The following DRC11L variants were observed in gnomAD, a reference collection of about 807,000 sequenced individuals.
The protein encoded by DRC11L is dynein regulatory complex subunit like-11.
the DRC11L span, chr7:151,205,322 C>G: frequency 9.0e-5 from 36 of 398,960 alleles, 3 homozygotes; most frequent in African/African-American, 6.8e-4. Context: ...GCCAGGGCAG[C>G]AGCAGCAGCT....
chr7:151,193,953 C>G, the DRC11L span, among the ~76,000 whole-genome samples: 1 of 151,342 alleles, frequency 6.6e-6, no homozygotes, highest in African/African-American at 2.4e-5. Flanking sequence ...CTTCAGAAAG[C>G]TCTTCAGCTC....
At chr7:151,197,736 C>A in the DRC11L span, 1 of 395,278 alleles carries the variant, frequency 2.5e-6, no homozygotes, top group South Asian at 1.4e-4. Flanking sequence ...TGAGGCTGAC[C>A]CCCTACCCCA....
chr7:151,199,134 C>G, the DRC11L span: 6 of 397,948 alleles, frequency 1.5e-5, no homozygotes, highest in African/African-American at 1.2e-4. This position sits in a 1 kb window ranked among gnomAD's most constrained non-coding sequence, Gnocchi z 5.2. Flanking sequence ...CACACAAGGC[C>G]TCACACACAC....
At chr7:151,200,534 G>A in the DRC11L span, 1 of 399,174 alleles carries the variant, frequency 2.5e-6, no homozygotes, top group African/African-American at 2.1e-5. Flanking sequence ...TCTCAGAGAG[G>A]GTCCGAGAGG....
the DRC11L span, chr7:151,195,798 G>T: frequency 2.5e-6 from 1 of 394,892 alleles, no homozygotes; most frequent in Non-Finnish European, 4.5e-6. Flanking sequence ...AGTAGGGACA[G>T]CCCTGATGCC....
At chr7:151,203,186 C>A in the DRC11L span, 2 of 398,584 alleles carry the variant, frequency 5.0e-6, no homozygotes, top group Non-Finnish European at 8.8e-6. Context: ...TCAAAGGATG[C>A]ACCAGGACAC....
the DRC11L span, chr7:151,193,169 C>A: frequency 2.5e-5 from 10 of 398,030 alleles, no homozygotes; most frequent in South Asian, 1.4e-3. Flanking sequence ...GTAGGGAGAC[C>A]TCACCAGTTC....
the DRC11L span, chr7:151,194,550 C>T: frequency 3.5e-5 from 14 of 399,314 alleles, no homozygotes; most frequent in Non-Finnish European, 5.3e-5. Context: ...ACTCACTCTT[C>T]CTTAGAAGGC....
the DRC11L span, among the ~76,000 whole-genome samples, chr7:151,194,006 C>G: frequency 1.3e-5 from 2 of 151,854 alleles, no homozygotes; most frequent in Non-Finnish European, 1.5e-5. Flanking sequence ...AGAACAGACC[C>G]TGGGTTGTCC....
the DRC11L span, chr7:151,199,025 T>A: frequency 1.3e-4 from 51 of 399,002 alleles, no homozygotes; most frequent in Admixed American, 2.2e-4. The surrounding 1 kb of genome is among the most constrained non-coding windows in gnomAD (Gnocchi z 5.2). Flanking sequence ...GAAGAGAGGC[T>A]GAGGGGCTCA....
At chr7:151,192,185 G>A in the DRC11L span, 1 of 398,450 alleles carries the variant, frequency 2.5e-6, no homozygotes, top group East Asian at 3.6e-5. Context: ...ACCGGGCTGT[G>A]GGGGTGAGGG....
the DRC11L span, chr7:151,195,453 C>A: frequency 2.5e-6 from 1 of 399,208 alleles, no homozygotes; most frequent in South Asian, 1.3e-4. Context: ...GATCTTTTTC[C>A]TTCTTTTTCC....
At chr7:151,191,001 C>T in the DRC11L span, 6 of 400,240 alleles carry the variant, frequency 1.5e-5, no homozygotes, top group Non-Finnish European at 2.6e-5. Flanking sequence ...TCTTCTTCTC[C>T]TTGTCCAGCT....
chr7:151,199,913 CCAGGCACACGTGTGTGCACA>C, the DRC11L span, among the ~76,000 whole-genome samples: 2,110 of 152,360 alleles, frequency 0.014, 65 homozygotes, highest in African/African-American at 0.049. This position sits in a 1 kb window ranked among gnomAD's most constrained non-coding sequence, Gnocchi z 5.2. Context: ...CTCACTTTGG[CCAGGCACACGTGTGTGCACA>C]CAGGCACATG....
chr7:151,198,213 G>T, the DRC11L span, among the ~76,000 whole-genome samples: 2 of 151,660 alleles, frequency 1.3e-5, no homozygotes, highest in African/African-American at 4.8e-5. Context: ...TAGGTGGGTG[G>T]GTGGATGGAC....
At chr7:151,200,259 C>T in the DRC11L span, 8 of 398,276 alleles carry the variant, frequency 2.0e-5, no homozygotes, top group African/African-American at 1.4e-4. Flanking sequence ...CCAGGCTGTT[C>T]ACCTGGCCTG....
chr7:151,203,062 A>G, the DRC11L span: 1 of 399,550 alleles, frequency 2.5e-6, no homozygotes, highest in Non-Finnish European at 4.4e-6. Flanking sequence ...TTGCACTAGA[A>G]TTATGGCCTC....
chr7:151,198,820 G>T, the DRC11L span: 1 of 399,066 alleles, frequency 2.5e-6, no homozygotes, highest in Non-Finnish European at 4.4e-6. Flanking sequence ...AACCACTGTC[G>T]GATTTGCTCC....
the DRC11L span, chr7:151,194,238 A>AC: frequency 2.5e-6 from 1 of 398,312 alleles, no homozygotes; most frequent in Non-Finnish European, 4.4e-6. Flanking sequence ...GGCTCCTCAC[A>AC]CCCCCAGAGC....
Sources: gnomAD v4.1 joint callset for allele counts (sites outside exome capture counted in the v4.1 genomes callset) on GRCh38, gnomAD v4.1.1 for gene constraint, Gnocchi (gnomAD v3.1) non-coding constraint, MANE v1.5 for transcripts, NCBI Gene and HGNC (gene_info 2026-07-23, HGNC 2026-07-21) for gene names.